Variants in NELL1 observed in about 807,000 individuals in gnomAD.
NELL1 encodes the protein protein kinase C-binding protein NELL1.
A neutral mutation model predicts 107.4 loss-of-function variants in NELL1; 76 were observed. That is an observed-to-expected ratio of 0.71 (90% confidence interval 0.59 to 0.86). The LOEUF (loss-of-function observed/expected upper bound fraction) is 0.86, where lower values mean the gene tolerates loss of function less well. Ranked by LOEUF, NELL1 falls within the 40% of genes least tolerant of loss-of-function variation. The pLI is 0.00. For missense variants in NELL1, 1,024 were observed against 1,005.5 expected (o/e 1.02, Z -0.25); for synonymous variants, 353 against 341.2 (o/e 1.03, Z -0.38).
rs532875858 is a variant in NELL1, at chr11:20,673,413, G to A, written c.55+3635G>A. Among the ~76,000 whole-genome samples, 3 of 152,308 alleles carry A rather than the reference G, an allele frequency of 2.0e-5. No individual in the cohort carries two copies. In the South Asian group the frequency reaches 6.2e-4, roughly 32 times the overall value. ...AATGAGCTCTTGGAGCATTTTTTTA[G>A]TCTGCATGGTCCAGAGGAAAACAGC... On this transcript the variant is annotated intron_variant, in intron 1 of 19. Coordinates refer to ENST00000357134, the MANE Select transcript of NELL1 (RefSeq NM_006157.5).
chr11:21,314,596 T>C (rs1849831300), intron 14 of NELL1, among the ~76,000 whole-genome samples: 1 of 152,178 alleles, frequency 6.6e-6, no homozygotes, highest in Non-Finnish European at 1.5e-5. Context: ...AACCTAGACA[T>C]GGTCCCTGCC....
Position 21,309,892 on chromosome 11 carries a change from T to C in NELL1, c.1550-60961T>C, listed in dbSNP as rs145396196. 7.2e-3 allele frequency among the ~76,000 whole-genome samples: 1,094 copies of C among 152,162 alleles called. 20 individuals carry two copies. Among genetic ancestry groups the C allele is most frequent in the African/African-American group, 0.025 (1,043 of 41,516 alleles). ...GGTTCCTCCCATGATGTGGGAATTG[T>C]GGGAGTTACAATTCAAGGTGAGATT... On this transcript the variant is annotated intron_variant, in intron 14 of 19. Coordinates refer to ENST00000357134, the MANE Select transcript of NELL1 (RefSeq NM_006157.5).
At chr11:20,794,704 T>C (rs1024113473) in intron 3 of NELL1, among the ~76,000 whole-genome samples, 3 of 152,082 alleles carry the variant, frequency 2.0e-5, no homozygotes, top group African/African-American at 4.8e-5. Context: ...ATAATGACGA[T>C]GTTATCTAGA....
chr11:21,539,713 A>G (rs922091961), intron 16 of NELL1, among the ~76,000 whole-genome samples: 4 of 151,004 alleles, frequency 2.6e-5, no homozygotes, highest in African/African-American at 4.9e-5. Flanking sequence ...TGGGGTTTCT[A>G]TGGGTACAGG....
intron 14 of NELL1, among the ~76,000 whole-genome samples, chr11:21,235,441 A>C (rs1858181559): frequency 6.6e-6 from 1 of 152,174 alleles, no homozygotes; most frequent in Non-Finnish European, 1.5e-5. Context: ...CAATCAGAAG[A>C]ATCTTTGCAG....
intron 14 of NELL1, among the ~76,000 whole-genome samples, chr11:21,334,218 G>A (rs1423185124): frequency 1.3e-5 from 2 of 151,964 alleles, no homozygotes; most frequent in African/African-American, 4.8e-5. Flanking sequence ...TGCTACAAAG[G>A]AGAAGTGCAG....
At chr11:21,330,372 T>C (rs1201783556) in intron 14 of NELL1, among the ~76,000 whole-genome samples, 1 of 152,168 alleles carries the variant, frequency 6.6e-6, no homozygotes, top group Non-Finnish European at 1.5e-5. Flanking sequence ...CAGTTGGTTT[T>C]AGACTGAAGA....
At chr11:20,889,985 C>A (rs10833407) in intron 5 of NELL1, among the ~76,000 whole-genome samples, 94,640 of 151,998 alleles carry the variant, frequency 0.62, 31,942 homozygotes, top group Non-Finnish European at 0.77. Flanking sequence ...GCAAAGCACA[C>A]CCGCTCCACC....
chr11:20,807,830 C>G (rs980824549), intron 3 of NELL1, among the ~76,000 whole-genome samples: 4 of 152,172 alleles, frequency 2.6e-5, no homozygotes, highest in South Asian at 2.1e-4. Context: ...TGTCCACCAC[C>G]ACCACAGGCC....
intron 2 of NELL1, among the ~76,000 whole-genome samples, chr11:20,707,189 C>T (rs527719263): frequency 2.0e-5 from 3 of 152,296 alleles, no homozygotes; most frequent in African/African-American, 4.8e-5. Context: ...ACGTAGTTCT[C>T]CTGCCATGGT....
At chr11:21,155,654 C>T (rs1455928414) in intron 13 of NELL1, among the ~76,000 whole-genome samples, 2 of 151,972 alleles carry the variant, frequency 1.3e-5, no homozygotes, top group South Asian at 2.1e-4. Flanking sequence ...GTGACCCTTG[C>T]CAAGAAAATG....
chr11:21,314,605 C>T (rs78870115), intron 14 of NELL1, among the ~76,000 whole-genome samples: 3,635 of 152,248 alleles, frequency 0.024, 148 homozygotes, highest in African/African-American at 0.084. Context: ...ATGGTCCCTG[C>T]CCTTATGCAG....
At chr11:21,302,892 C>CA (rs33999553) in intron 14 of NELL1, among the ~76,000 whole-genome samples, 1 of 149,314 alleles carries the variant, frequency 6.7e-6, no homozygotes, top group Non-Finnish European at 1.5e-5. Flanking sequence ...CCTATCTCTA[C>CA]AAAAAAATTA....
At chr11:20,670,327 CAGG>C (rs952371330) in intron 1 of NELL1, 17 of 153,974 alleles carry the variant, frequency 1.1e-4, no homozygotes, top group African/African-American at 4.1e-4. Flanking sequence ...CCTGACTACC[CAGG>C]AGAACTCCAG....
chr11:21,062,200 A>G (rs907795269), intron 12 of NELL1, among the ~76,000 whole-genome samples: 5 of 152,242 alleles, frequency 3.3e-5, no homozygotes, highest in African/African-American at 1.2e-4. Flanking sequence ...AAAAAGTAAA[A>G]TCATTAATAA....
At chr11:21,139,181 T>C (rs937745749) in intron 13 of NELL1, among the ~76,000 whole-genome samples, 1 of 152,206 alleles carries the variant, frequency 6.6e-6, no homozygotes, top group Non-Finnish European at 1.5e-5. Flanking sequence ...CTTTGGAAAG[T>C]AAGAGTGTGG....
intron 13 of NELL1, among the ~76,000 whole-genome samples, chr11:21,221,957 G>A (rs1857767690): frequency 6.6e-6 from 1 of 152,080 alleles, no homozygotes; most frequent in Admixed American, 6.6e-5. Flanking sequence ...AACTCCCAAA[G>A]TGCTGGGATT....
intron 12 of NELL1, among the ~76,000 whole-genome samples, chr11:21,024,260 A>G (rs1852764880): frequency 6.6e-6 from 1 of 152,140 alleles, no homozygotes; most frequent in African/African-American, 2.4e-5. Flanking sequence ...TACCTTCTAC[A>G]TTGATTTACT....
chr11:21,195,369 C>CTG (rs1381967168), intron 13 of NELL1, among the ~76,000 whole-genome samples: 1 of 152,040 alleles, frequency 6.6e-6, no homozygotes, highest in African/African-American at 2.4e-5. Context: ...GCTGGGGCAA[C>CTG]CACTATCAGA....
Sources: allele counts gnomAD v4.1 joint callset (sites outside exome capture counted in the v4.1 genomes callset), GRCh38; gene constraint gnomAD v4.1.1; transcripts MANE v1.5; gene names NCBI Gene and HGNC (gene_info 2026-07-23, HGNC 2026-07-21).